COG6: variants seen among roughly 807,000 people sequenced by gnomAD.
COG6 encodes conserved oligomeric Golgi complex subunit 6.
In COG6, 74 loss-of-function variants were observed where a neutral mutation model predicts 88.8. The observed-to-expected ratio is 0.83, with a 90% CI of 0.69 to 1.01. The LOEUF (loss-of-function observed/expected upper bound fraction) is 1.01, where lower values mean the gene tolerates loss of function less well. Among genes scored for constraint, COG6 ranks in the 50% least tolerant of loss-of-function variants. The probability of loss-of-function intolerance (pLI) is 0.00; values close to 1 mark genes in which losing one functional copy is unlikely to be tolerated. For synonymous variants in COG6, 286 were observed against 278.7 expected (o/e 1.03, Z -0.26); for missense variants, 800 against 797.9 (o/e 1.00, Z -0.03).
In COG6 at chr13:39,687,744, T is replaced by C; in HGVS notation, c.954T>C (p.Ala318=). The C allele has an allele frequency of 6.2e-7, 1 of 1,614,112 alleles. No individual in the cohort carries two copies. Among genetic ancestry groups the C allele is most frequent in the Non-Finnish European group, 8.5e-7 (1 of 1,179,978 alleles). The part of the protein sequence containing the change: ...VGDMLAWLHQ[A]TASEKEHLEA... Reference sequence around the variant, plus strand: ...ATATGTTGGCTTGGCTCCATCAAGCTACTGCTTCTGAAAAGGAACACCTTG... The same window carrying C: ...ATATGTTGGCTTGGCTCCATCAAGCCACTGCTTCTGAAAAGGAACACCTTG... The change falls in exon 10 of 19, where the codon GCT becomes GCC. Residue 318 remains alanine, a synonymous_variant. Transcript: ENST00000455146.
In COG6 at chr13:39,699,552, G is replaced by A; in HGVS notation, c.1218G>A (p.Met406Ile). The change falls in exon 13 of 19, where the codon ATG becomes ATA. Residue 406 changes from methionine to isoleucine, a missense_variant. Transcript: ENST00000455146. ...ATALLTTIEE[M>I]HLLSKKIFFN... ...CATTATTGACTACCATTGAAGAAATGCATTTGCTAAGCAAAAAAATATTCT... is the reference window on the plus strand; with the variant it reads ...CATTATTGACTACCATTGAAGAAATACATTTGCTAAGCAAAAAAATATTCT... 6.3e-7 allele frequency: 1 copy of A among 1,598,516 alleles called. No individual in the cohort carries two copies. Among genetic ancestry groups the A allele is most frequent in the South Asian group, 1.1e-5 (1 of 90,660 alleles).
chr13:39,745,238 A>C (rs1335574070), intron 18 of COG6, among the ~76,000 whole-genome samples: 1 of 152,248 alleles, frequency 6.6e-6, no homozygotes, highest in Non-Finnish European at 1.5e-5. Flanking sequence ...AAAGTAGGAA[A>C]ATAGGATCTA....
Position 39,694,791 on chromosome 13 carries a change from A to G in COG6, c.1166+66A>G, listed in dbSNP as rs911818639. ...ATATTTCTTTCAGTTAGAGCACAGT[A>G]TAAGATTTTTTTTTATATTGTGTAT... On this transcript the variant is annotated intron_variant, in intron 12 of 18. Coordinates refer to ENST00000455146, the MANE Select transcript of COG6 (RefSeq NM_020751.3). 5 of 898,866 alleles carry G rather than the reference A, an allele frequency of 5.6e-6. No individual in the cohort carries two copies. In the East Asian group the frequency reaches 9.8e-5, roughly 18 times the overall value. 55.7% of individuals were successfully genotyped at this position (898,866 alleles called of 1,614,324 possible).
chr13:39,752,058 C>G lies in COG6; in HGVS notation c.*965C>G. 1 of 1,285,934 alleles carries G rather than the reference C, an allele frequency of 7.8e-7. No individual in the cohort carries two copies. 79.7% of individuals were successfully genotyped at this position (1,285,934 alleles called of 1,614,324 possible). ...TCTCCATGTTGTAACTGGACTCTGA[C>G]TTTAGACCATTACCTATTAGGAAGA... On this transcript the variant is annotated 3_prime_UTR_variant, in exon 19 of 19. Coordinates refer to ENST00000455146, the MANE Select transcript of COG6 (RefSeq NM_020751.3).
chr13:39,671,693 A>G (rs1449296305), intron 4 of COG6, among the ~76,000 whole-genome samples: 1 of 151,984 alleles, frequency 6.6e-6, no homozygotes, highest in African/African-American at 2.4e-5. Context: ...TTGAGAATGT[A>G]TATATGTATG....
At chr13:39,678,567 GTTTC>G (rs1876113629) in intron 5 of COG6, among the ~76,000 whole-genome samples, 1 of 151,844 alleles carries the variant, frequency 6.6e-6, no homozygotes, top group African/African-American at 2.4e-5. Context: ...AAAAAGTTTC[GTTTC>G]TTTTTTTTTC....
At chr13:39,769,115 T>C (rs1881246873) in intron 18 of COG6, among the ~76,000 whole-genome samples, 1 of 145,290 alleles carries the variant, frequency 6.9e-6, no homozygotes, top group South Asian at 2.4e-4. Flanking sequence ...TTAGTCACCC[T>C]CCTGTCAACA....
chr13:39,730,178 G>T (rs1350922424), intron 18 of COG6, among the ~76,000 whole-genome samples: 1 of 151,694 alleles, frequency 6.6e-6, no homozygotes, highest in Non-Finnish European at 1.5e-5. Flanking sequence ...TATGATATGT[G>T]CCTAACATCC....
At chr13:39,713,346 G>T (rs1878342832) in intron 13 of COG6, among the ~76,000 whole-genome samples, 1 of 152,176 alleles carries the variant, frequency 6.6e-6, no homozygotes, top group East Asian at 1.9e-4. Context: ...GCCTTATATG[G>T]AGATATGAAA....
At chr13:39,760,994 C>T (rs1593478982) in intron 18 of COG6, among the ~76,000 whole-genome samples, 1 of 151,580 alleles carries the variant, frequency 6.6e-6, no homozygotes, top group African/African-American at 2.4e-5. Flanking sequence ...TTCTGCTGTT[C>T]CACAAATAGC....
intron 18 of COG6, among the ~76,000 whole-genome samples, chr13:39,763,001 C>T (rs999764391): frequency 2.6e-5 from 4 of 151,386 alleles, no homozygotes; most frequent in East Asian, 1.9e-4. Context: ...TATGAATGGA[C>T]GTTGAATTTT....
exon 19 of COG6, chr13:39,788,646 A>C: frequency 2.4e-6 from 1 of 409,950 alleles, no homozygotes; most frequent in East Asian, 3.8e-5. Flanking sequence ...AAGCACTAAA[A>C]TGGTGTCTGT....
rs145657690 is a variant in COG6 at position 39,767,992 on chromosome 13, C to T, written c.1827-20343C>T. On this transcript the variant is annotated intron_variant, in intron 18 of 18. Coordinates refer to the COG6 transcript ENST00000416691. Reference sequence around the variant, plus strand: ...TCATTGCACAAGAGCAGCCACAAGCCGGGGGTTTCCACATGCTGTCCATTA... The same window carrying T: ...TCATTGCACAAGAGCAGCCACAAGCTGGGGGTTTCCACATGCTGTCCATTA... Among the ~76,000 whole-genome samples, 1,206 of 152,232 alleles carry T rather than the reference C, an allele frequency of 7.9e-3. 9 individuals carry two copies. Among genetic ancestry groups the T allele is most frequent in the Admixed American group, 0.012 (190 of 15,296 alleles).
chr13:39,704,646 T>G lies in COG6; in HGVS notation c.1284+5028T>G, dbSNP rs570747461. On this transcript the variant is annotated intron_variant, in intron 13 of 18. Transcript: ENST00000455146. Reference sequence around the variant, plus strand: ...CCTTTGTGGTTTAAACATGTGTTGTTTAAGGGTCATCTGTAATGGATAGTA... The same window carrying G: ...CCTTTGTGGTTTAAACATGTGTTGTGTAAGGGTCATCTGTAATGGATAGTA... 2.0e-5 allele frequency among the ~76,000 whole-genome samples: 3 copies of G among 152,226 alleles called. No homozygotes were observed. The East Asian group carries it at 5.8e-4, about 29-fold the overall frequency.
At chr13:39,690,767 A>T (rs893732266) in intron 11 of COG6, among the ~76,000 whole-genome samples, 1 of 151,908 alleles carries the variant, frequency 6.6e-6, no homozygotes, top group African/African-American at 2.4e-5. Flanking sequence ...CTCTAACTTG[A>T]TCTCATAGGA....
intron 4 of COG6, among the ~76,000 whole-genome samples, chr13:39,675,269 C>G (rs567731141): frequency 6.6e-6 from 1 of 152,162 alleles, no homozygotes; most frequent in South Asian, 2.1e-4. Flanking sequence ...TCATAAGTGC[C>G]TTTTATCACA....
chr13:39,776,720 T>C (rs1881474964), intron 18 of COG6, among the ~76,000 whole-genome samples: 1 of 151,806 alleles, frequency 6.6e-6, no homozygotes, highest in Non-Finnish European at 1.5e-5. Context: ...TTGTCTGGTC[T>C]GGTCTTTAGT....
downstream of COG6, among the ~76,000 whole-genome samples, chr13:39,755,129 CT>C (rs1880790766): frequency 6.6e-6 from 1 of 152,058 alleles, no homozygotes; most frequent in East Asian, 1.9e-4. Flanking sequence ...TCAAAGTCAA[CT>C]TTTTCAGGAC....
intron 18 of COG6, among the ~76,000 whole-genome samples, chr13:39,777,993 C>T (rs1422761165): frequency 1.3e-5 from 2 of 152,182 alleles, no homozygotes; most frequent in Admixed American, 6.5e-5. Context: ...TTCATGGTAT[C>T]AGCAAGGTGG....
Sources: gnomAD v4.1 joint callset for allele counts (sites outside exome capture counted in the v4.1 genomes callset) on GRCh38, gnomAD v4.1.1 for gene constraint, MANE v1.5 for transcripts, NCBI Gene and HGNC (gene_info 2026-07-23, HGNC 2026-07-21) for gene names.